The following RPAP3 variants were observed in gnomAD, a reference collection of about 807,000 sequenced individuals.
RPAP3 encodes RNA polymerase II-associated protein 3.
RPAP3 carries 58 observed loss-of-function variants against 88.8 expected under a neutral mutation model. The observed-to-expected ratio is 0.65, with a 90% CI of 0.53 to 0.81. The LOEUF (loss-of-function observed/expected upper bound fraction) is 0.81. Among genes scored for constraint, RPAP3 ranks in the 40% least tolerant of loss-of-function variants. The pLI, the probability that RPAP3 is intolerant of heterozygous loss-of-function variation, is 0.00. For missense variants in RPAP3, 751 were observed against 764.3 expected, an observed-to-expected ratio of 0.98 and a Z score of 0.20; for synonymous variants, 255 against 259.9, an observed-to-expected ratio of 0.98 and a Z score of 0.18.
At chr12:47,685,395 T>C (rs1290651117) in intron 9 of RPAP3, among the ~76,000 whole-genome samples, 4 of 138,938 alleles carry the variant, frequency 2.9e-5, no homozygotes, top group African/African-American at 5.4e-5. Context: ...AAAAAAAAAA[T>C]CAGATATTTC....
At chr12:47,694,600 C>A (rs1565721943) in intron 5 of RPAP3, among the ~76,000 whole-genome samples, 1 of 149,272 alleles carries the variant, frequency 6.7e-6, no homozygotes, top group Non-Finnish European at 1.5e-5. Flanking sequence ...ATGGAAAAGA[C>A]CAAAAGATTA....
At chr12:47,679,455 T>G (rs201366200) in intron 12 of RPAP3, 38 bp downstream of exon 12, 1 of 1,372,410 alleles carries the variant, frequency 7.3e-7, no homozygotes. Flanking sequence ...TTACAACATA[T>G]TTAAATGGCA....
rs530775962 is a variant in RPAP3, at chr12:47,677,678, G to C, written c.1287+1815C>G. Among the ~76,000 whole-genome samples the C allele has an allele frequency of 2.0e-4, 31 of 152,008 alleles. No individual in the cohort carries two copies. In the South Asian group the frequency reaches 4.4e-3, roughly 21 times the overall value. On this transcript the variant is annotated intron_variant, in intron 12 of 16. Coordinates refer to ENST00000005386, the MANE Select transcript of RPAP3 (RefSeq NM_024604.3). ...GAGAATAATACAATTGCTACAAAGA[G>C]AATAAAATACCTAGGAATCCAATTC...
chr12:47,691,424 A>G (rs1275680896), intron 5 of RPAP3, among the ~76,000 whole-genome samples: 1 of 152,070 alleles, frequency 6.6e-6, no homozygotes, highest in Non-Finnish European at 1.5e-5. Context: ...CTTCTTCCAA[A>G]CTCCTGTTAA....
At position 47,687,973 on chromosome 12, in the gene RPAP3, G is replaced by A. The variant is rs1414464088; in HGVS notation, c.767C>T (p.Pro256Leu). The change falls in exon 8 of 17, where the codon CCA becomes CTA. Residue 256 changes from proline to leucine, a missense_variant. Transcript: ENST00000005386. ...CTTAATCACTATGTCAGCTTCCTTT[G>A]GATATGAGTTTTCTTTGGATGCTAA... is the stretch of plus-strand genomic sequence containing the variant. ...QALASKENSY[P>L]KEADIVIKST... The A allele has an allele frequency of 6.2e-7, 1 of 1,613,022 alleles. No individual in the cohort carries two copies. The highest frequency in any genetic ancestry group is 1.1e-5 in the South Asian group (1 of 91,012).
In RPAP3 at chr12:47,667,065, T is replaced by C; in HGVS notation, c.1827A>G (p.Leu609=). Residue 609 remains leucine, a synonymous_variant, in exon 16 of 17, where the codon TTA becomes TTG. Transcript: ENST00000005386. The part of the protein sequence containing the change: ...HDFYIEKEKP[L]LIFEILQRLS... Reference sequence around the variant, plus strand: ...GTCTTTGTAAGATTTCAAAGATGAGTAATGGCTTTTCTTTCCTGAAATAAT... The same window carrying C: ...GTCTTTGTAAGATTTCAAAGATGAGCAATGGCTTTTCTTTCCTGAAATAAT... 1 of 1,483,136 alleles carries C rather than the reference T, an allele frequency of 6.7e-7. No individual in the cohort carries two copies. The highest frequency in any genetic ancestry group is 1.4e-5 in the South Asian group (1 of 72,904). The allele number at this position is 1,483,136 out of a possible 1,614,324, so 91.9% of individuals were successfully genotyped here.
At position 47,683,124 on chromosome 12, in the gene RPAP3, C is replaced by T. The variant is rs533568674; in HGVS notation, c.993-1307G>A. ...CTTGACCTGTTTCCTGTTTTTTCAC[C>T]TCACTAACTCATACTACTCCTAAAC... is the stretch of plus-strand genomic sequence containing the variant. On this transcript the variant is annotated intron_variant, in intron 9 of 16. Coordinates refer to ENST00000005386, the MANE Select transcript of RPAP3 (RefSeq NM_024604.3). Among the ~76,000 whole-genome samples the T allele has an allele frequency of 2.6e-5, 4 of 152,238 alleles. No individual in the cohort carries two copies. The South Asian group carries it at 8.3e-4, about 32-fold the overall frequency.
intron 3 of RPAP3, among the ~76,000 whole-genome samples, chr12:47,698,613 C>T (rs1419730257): frequency 2.0e-5 from 3 of 152,048 alleles, no homozygotes; most frequent in African/African-American, 7.2e-5. Context: ...TCCCGGGCTC[C>T]AGCCATCTTC....
At chr12:47,697,571 A>T in intron 4 of RPAP3, 26 bp downstream of exon 4, 1 of 1,579,916 alleles carries the variant, frequency 6.3e-7, no homozygotes, top group South Asian at 1.2e-5. Context: ...TTACATGAAA[A>T]AAAACAAAAC....
chr12:47,691,991 C>T lies in RPAP3; in HGVS notation c.546-1352G>A, dbSNP rs143174921. On this transcript the variant is annotated intron_variant, in intron 5 of 16. Transcript: ENST00000005386. ...CGATCTCCTGACCTTGTGATCTGCC[C>T]GCCTCGGCCTCCCACAAATCTTTTT... Among the ~76,000 whole-genome samples, 184 of 152,230 alleles carry T rather than the reference C, an allele frequency of 1.2e-3. 1 individual carries two copies. Among genetic ancestry groups the T allele is most frequent in the Middle Eastern group, 3.4e-3 (1 of 294 alleles).
intron 1 of RPAP3, 97 bp from the exon 2 acceptor site, chr12:47,702,943 GCC>G: frequency 1.1e-6 from 1 of 884,360 alleles, no homozygotes; most frequent in Non-Finnish European, 1.6e-6. Context: ...TTCATAAGTG[GCC>G]AAGATACATG....
In RPAP3 at chr12:47,697,625, G is replaced by A; in HGVS notation, c.389C>T (p.Ser130Leu). The A allele has an allele frequency of 3.1e-6, 5 of 1,608,592 alleles. No individual in the cohort carries two copies. The highest frequency in any genetic ancestry group is 4.2e-6 in the Non-Finnish European group (5 of 1,178,096). ...TTCTTTTAAAACAAGAGCCTTTTGT[G>A]AATCTACATGAATCCCATCTTCTTC... ...ESEEDGIHVD[S>L]QKALVLKEKG... Residue 130 changes from serine (S) to leucine (L), a missense_variant, in exon 4 of 17, where the codon TCA becomes TTA. Ser to Leu is a moderately radical substitution (Grantham distance 145). Transcript: ENST00000005386.
chr12:47,666,841 TATC>T (rs1938883710), intron 16 of RPAP3, 136 bp downstream of exon 16: 4 of 260,828 alleles, frequency 1.5e-5, no homozygotes, highest in South Asian at 1.2e-4. Flanking sequence ...TATAATTTAA[TATC>T]ATCCAATTTA....
chr12:47,699,235 A>G (rs561629275), intron 3 of RPAP3, among the ~76,000 whole-genome samples: 6 of 152,360 alleles, frequency 3.9e-5, no homozygotes, highest in East Asian at 3.9e-4. Context: ...AGCTCAATCA[A>G]TATCTGTTGA....
intron 1 of RPAP3, among the ~76,000 whole-genome samples, chr12:47,705,489 C>T (rs1265944042): frequency 6.6e-6 from 1 of 152,250 alleles, no homozygotes; most frequent in Non-Finnish European, 1.5e-5. Context: ...TTTCACCCAT[C>T]ACCGCTGCTG....
At chr12:47,705,001 G>A (rs1156806850) in intron 1 of RPAP3, among the ~76,000 whole-genome samples, 1 of 152,080 alleles carries the variant, frequency 6.6e-6, no homozygotes, top group South Asian at 2.1e-4. Flanking sequence ...AAGGAGGGGG[G>A]GGAATGAAAT....
At chr12:47,667,886 G>T in intron 14 of RPAP3, 35 bp from the exon 15 acceptor site, 2 of 1,297,100 alleles carry the variant, frequency 1.5e-6, no homozygotes, top group Non-Finnish European at 2.2e-6. Context: ...TTACTTGATG[G>T]CAACACTTAC....
intron 3 of RPAP3, among the ~76,000 whole-genome samples, chr12:47,700,322 G>T (rs1421496762): frequency 6.6e-6 from 1 of 152,040 alleles, no homozygotes; most frequent in African/African-American, 2.4e-5. Flanking sequence ...AAAGAACATG[G>T]GATTAGAAAG....
chr12:47,676,637 G>C (rs989228556), intron 12 of RPAP3, among the ~76,000 whole-genome samples: 6 of 152,152 alleles, frequency 3.9e-5, no homozygotes, highest in Non-Finnish European at 5.9e-5. Flanking sequence ...AAATAAACTA[G>C]AAAATGTAGG....
Sources: allele counts gnomAD v4.1 joint callset (sites outside exome capture counted in the v4.1 genomes callset), GRCh38; gene constraint gnomAD v4.1.1; transcripts MANE v1.5; gene names NCBI Gene and HGNC (gene_info 2026-07-23, HGNC 2026-07-21).